The following EPHA6 variants were observed in gnomAD, a reference collection of about 807,000 sequenced individuals.
EPHA6 encodes the protein ephrin type-A receptor 6.
Under a neutral mutation model 112.0 loss-of-function variants are expected in EPHA6, and 50 were observed. The observed-to-expected ratio is 0.45, with a 90% CI of 0.36 to 0.56. The LOEUF (loss-of-function observed/expected upper bound fraction) is 0.56. EPHA6 is among the 20% of genes least tolerant of loss of function. EPHA6 has a pLI of 0.00. For missense variants in EPHA6, 1,280 were observed against 1,417.4 expected, an observed-to-expected ratio of 0.90 and a Z score of 1.56; for synonymous variants, 529 against 490.7, an observed-to-expected ratio of 1.08 and a Z score of -1.03.
chr3:97,717,466 C>T (rs1168355870), intron 14 of EPHA6, among the ~76,000 whole-genome samples: 1 of 152,208 alleles, frequency 6.6e-6, no homozygotes, highest in East Asian at 1.9e-4. Context: ...AAGGTGCTGA[C>T]AGCTTGGCTT....
chr3:97,317,193 A>G (rs1349483433), intron 5 of EPHA6, among the ~76,000 whole-genome samples: 3 of 151,854 alleles, frequency 2.0e-5, no homozygotes, highest in African/African-American at 7.3e-5. Context: ...CAGCCCTGTT[A>G]TGGTTTTCTG....
At chr3:97,479,447 G>C in intron 9 of EPHA6, 83 bp downstream of exon 9, 2 of 846,146 alleles carry the variant, frequency 2.4e-6, no homozygotes, top group Admixed American at 7.2e-5. Flanking sequence ...CTATTGAGTT[G>C]AGAAAAAAAG....
At chr3:97,585,783 G>T (rs766104043) in intron 11 of EPHA6, among the ~76,000 whole-genome samples, 1 of 150,880 alleles carries the variant, frequency 6.6e-6, no homozygotes, top group Non-Finnish European at 1.5e-5. Context: ...TTGCATCTTT[G>T]GATTAGTTTA....
intron 5 of EPHA6, among the ~76,000 whole-genome samples, chr3:97,303,792 A>G (rs527534273): frequency 6.6e-6 from 1 of 152,168 alleles, no homozygotes; most frequent in South Asian, 2.1e-4. Flanking sequence ...CTTTTCCCAG[A>G]CAAAATTACA....
intron 14 of EPHA6, among the ~76,000 whole-genome samples, chr3:97,670,372 C>T (rs1033424651): frequency 1.3e-5 from 2 of 152,144 alleles, no homozygotes; most frequent in Non-Finnish European, 2.9e-5. Context: ...CCTTTCTTCT[C>T]AGTTGTAGAA....
intron 2 of EPHA6, among the ~76,000 whole-genome samples, chr3:96,943,221 A>G (rs940692489): frequency 1.3e-5 from 2 of 151,766 alleles, no homozygotes; most frequent in African/African-American, 2.4e-5. Flanking sequence ...TTTTTTCTTT[A>G]TCCATTCATC....
At chr3:97,145,244 TA>T (rs1288484185) in intron 3 of EPHA6, among the ~76,000 whole-genome samples, 1 of 151,476 alleles carries the variant, frequency 6.6e-6, no homozygotes, top group Non-Finnish European at 1.5e-5. Context: ...TAACTCTTTC[TA>T]AAGTTTTAAC....
intron 4 of EPHA6, among the ~76,000 whole-genome samples, chr3:97,236,334 C>T (rs1038670651): frequency 3.3e-5 from 5 of 151,418 alleles, no homozygotes; most frequent in Non-Finnish European, 7.4e-5. Context: ...AGAGGAATGA[C>T]GTAAGAGTCT....
chr3:97,480,869 T>A (rs2091515947), intron 9 of EPHA6, among the ~76,000 whole-genome samples: 1 of 150,494 alleles, frequency 6.6e-6, no homozygotes. Context: ...GCTCCTCATA[T>A]CCCAGACGGG....
chr3:96,861,259 G>A (rs80180655), intron 1 of EPHA6, among the ~76,000 whole-genome samples: 1,883 of 152,024 alleles, frequency 0.012, 34 homozygotes, highest in African/African-American at 0.041. Flanking sequence ...ATTTGGATAA[G>A]GTTTTCAGTG....
chr3:97,038,857 T>C (rs1163947066), intron 3 of EPHA6, among the ~76,000 whole-genome samples: 1 of 152,068 alleles, frequency 6.6e-6, no homozygotes, highest in Non-Finnish European at 1.5e-5. Context: ...ATCGCAGATA[T>C]GGAAGTCTGA....
At chr3:97,460,866 T>C (rs1220662139) in intron 7 of EPHA6, among the ~76,000 whole-genome samples, 1 of 152,164 alleles carries the variant, frequency 6.6e-6, no homozygotes, top group Admixed American at 6.5e-5. Flanking sequence ...ATGTTCATGC[T>C]GAGGTCACTC....
chr3:97,411,323 T>C (rs1017731510), intron 6 of EPHA6, among the ~76,000 whole-genome samples: 3 of 151,974 alleles, frequency 2.0e-5, no homozygotes, highest in Non-Finnish European at 4.4e-5. Context: ...CTGGGGCCAA[T>C]ACTGCATCCA....
intron 12 of EPHA6, among the ~76,000 whole-genome samples, chr3:97,602,095 A>G (rs777880526): frequency 6.6e-6 from 1 of 152,068 alleles, no homozygotes; most frequent in Non-Finnish European, 1.5e-5. Context: ...AAAGCATATA[A>G]CATTGCTGCT....
chr3:97,275,031 C>A (rs1281166478), intron 5 of EPHA6, among the ~76,000 whole-genome samples: 1 of 152,078 alleles, frequency 6.6e-6, no homozygotes, highest in Non-Finnish European at 1.5e-5. Flanking sequence ...ATTTTTAGGG[C>A]CTCTAAAAGT....
intron 10 of EPHA6, among the ~76,000 whole-genome samples, chr3:97,491,618 CTT>C (rs5851067): frequency 4.7e-3 from 657 of 139,514 alleles, no homozygotes; most frequent in Middle Eastern, 7.5e-3. Flanking sequence ...TAAGGGTATG[CTT>C]TTTTTTTTTT....
chr3:97,187,605 GAAAGAAAGAA>G (rs1403036662), intron 3 of EPHA6, among the ~76,000 whole-genome samples: 1 of 116,466 alleles, frequency 8.6e-6, no homozygotes, highest in Non-Finnish European at 1.9e-5. Context: ...AAAGAAAAGA[GAAAGAAAGAA>G]AAAGAAAGAA....
At chr3:97,549,992 T>G (rs556012828) in intron 11 of EPHA6, among the ~76,000 whole-genome samples, 10 of 152,172 alleles carry the variant, frequency 6.6e-5, no homozygotes, top group African/African-American at 2.4e-4. Context: ...GCTGAAGAAT[T>G]TTTGAAAACT....
chr3:97,221,525 A>C (rs181583359), intron 3 of EPHA6, among the ~76,000 whole-genome samples: 5 of 152,258 alleles, frequency 3.3e-5, no homozygotes, highest in South Asian at 2.1e-4. Flanking sequence ...TAATATAAAC[A>C]GAAAAATAAG....
Sources: gnomAD v4.1 joint callset for allele counts (sites outside exome capture counted in the v4.1 genomes callset) on GRCh38, gnomAD v4.1.1 for gene constraint, MANE v1.5 for transcripts, NCBI Gene and HGNC (gene_info 2026-07-23, HGNC 2026-07-21) for gene names.